Variants in BRK1 observed in about 807,000 individuals in gnomAD.
BRK1 encodes protein BRICK1.
Under a neutral mutation model 9.9 loss-of-function variants are expected in BRK1, and 6 were observed. That is an observed-to-expected ratio of 0.60 (90% confidence interval 0.33 to 1.19). The LOEUF is 1.19. BRK1 is among the 50% of genes most tolerant of loss of function. The probability of loss-of-function intolerance (pLI) is 0.04; values close to 1 mark genes in which losing one functional copy is unlikely to be tolerated. For missense variants in BRK1, 62 were observed against 97.5 expected, an observed-to-expected ratio of 0.64 and a Z score of 1.53; for synonymous variants, 44 against 31.9, an observed-to-expected ratio of 1.38 and a Z score of -1.28.
rs41464050 is a variant in BRK1 at position 10,116,709 on chromosome 3, A to G, written c.118+890A>G. 0.16 allele frequency among the ~76,000 whole-genome samples: 24,869 copies of G among 152,150 alleles called. 2,574 individuals carry two copies. The highest frequency in any genetic ancestry group is 0.29 in the African/African-American group (12,065 of 41,456). On this transcript the variant is annotated intron_variant, in intron 1 of 2. Coordinates refer to ENST00000530758, the MANE Select transcript of BRK1 (RefSeq NM_018462.5). ...AGATTTTTAAATGAATGATTCTCTA[A>G]CTAAAGGACTGATGGCCTTAGGAGT... is the stretch of plus-strand genomic sequence containing the variant.
chr3:10,115,928 G>A (rs1468604768), intron 1 of BRK1, 109 bp downstream of exon 1: 23 of 838,194 alleles, frequency 2.7e-5, no homozygotes, highest in Non-Finnish European at 4.4e-5. Context: ...CGGCTGTTGC[G>A]GGTTTTCACT....
chr3:10,123,851 T>G (rs1193660759), intron 1 of BRK1, among the ~76,000 whole-genome samples: 1 of 144,834 alleles, frequency 6.9e-6, no homozygotes, highest in African/African-American at 2.5e-5. Flanking sequence ...TTCTCCTGCC[T>G]CAGCCTCCCG....
intron 1 of BRK1, among the ~76,000 whole-genome samples, chr3:10,116,069 CCTT>C (rs1376082395): frequency 1.3e-5 from 2 of 152,164 alleles, no homozygotes; most frequent in African/African-American, 2.4e-5. Flanking sequence ...TTCTACAAGT[CCTT>C]CTCCTAGACG....
chr3:10,118,395 G>A (rs1695714628), intron 1 of BRK1, among the ~76,000 whole-genome samples: 1 of 152,108 alleles, frequency 6.6e-6, no homozygotes, highest in Admixed American at 6.6e-5. Flanking sequence ...GGATGACTAT[G>A]TATGGGATGT....
chr3:10,125,889 G>A (rs1029550444), intron 2 of BRK1, among the ~76,000 whole-genome samples, 181 bp downstream of exon 2: 8 of 152,086 alleles, frequency 5.3e-5, no homozygotes, highest in Admixed American at 2.0e-4. Context: ...TCAGGAGTTC[G>A]AGTCCAGCCT....
At chr3:10,125,524 T>A (rs1484042637) in intron 1 of BRK1, 102 bp from the exon 2 acceptor site, 1 of 703,302 alleles carries the variant, frequency 1.4e-6, no homozygotes, top group Non-Finnish European at 2.5e-6. Flanking sequence ...CATTTCCATT[T>A]GTATTCTGTG....
chr3:10,118,081 C>T (rs1032382691), intron 1 of BRK1, among the ~76,000 whole-genome samples: 6 of 151,984 alleles, frequency 3.9e-5, no homozygotes, highest in Admixed American at 3.9e-4. Flanking sequence ...TGGTGAAACC[C>T]TGTCTCTACT....
At chr3:10,121,882 CT>C (rs911888155) in intron 1 of BRK1, among the ~76,000 whole-genome samples, 1,366 of 88,156 alleles carry the variant, frequency 0.015, 6 homozygotes, top group African/African-American at 0.053. Flanking sequence ...CACCCGGCCA[CT>C]TTTTTTTTTT....
rs1237973470 is a variant in BRK1 at position 10,126,341 on chromosome 3, C to A, written c.*46C>A. On this transcript the variant is annotated 3_prime_UTR_variant, in exon 3 of 3. Coordinates refer to ENST00000530758, the MANE Select transcript of BRK1 (RefSeq NM_018462.5). ...GGGAAGTTGCTTTACACAACACAGG[C>A]CACATGGGAAAGGCCCCAGCAGCCT... 2.6e-6 allele frequency: 4 copies of A among 1,546,954 alleles called. No homozygotes were observed. Among genetic ancestry groups the A allele is most frequent in the Non-Finnish European group, 3.5e-6 (4 of 1,140,128 alleles).
chr3:10,118,033 A>G (rs1695709487), intron 1 of BRK1, among the ~76,000 whole-genome samples: 1 of 152,148 alleles, frequency 6.6e-6, no homozygotes, highest in Non-Finnish European at 1.5e-5. Flanking sequence ...AGGCGAGCAG[A>G]TCACCTGAGG....
intron 1 of BRK1, among the ~76,000 whole-genome samples, chr3:10,121,295 G>T (rs771851482): frequency 9.2e-5 from 14 of 152,162 alleles, no homozygotes; most frequent in Non-Finnish European, 2.1e-4. Context: ...AAAAACCACT[G>T]AATTGTATAC....
At chr3:10,123,063 A>G (rs1297046257) in intron 1 of BRK1, among the ~76,000 whole-genome samples, 2 of 152,246 alleles carry the variant, frequency 1.3e-5, no homozygotes, top group African/African-American at 2.4e-5. Context: ...CTGAACAACA[A>G]TGTTGGAGGA....
chr3:10,123,505 G>A (rs1382101526), intron 1 of BRK1, among the ~76,000 whole-genome samples: 24 of 145,144 alleles, frequency 1.7e-4, no homozygotes, highest in Admixed American at 2.8e-4. Context: ...GTGCAATCTC[G>A]GCTCACTGCT....
At chr3:10,117,656 C>G (rs750225543) in intron 1 of BRK1, among the ~76,000 whole-genome samples, 4 of 152,028 alleles carry the variant, frequency 2.6e-5, no homozygotes, top group Non-Finnish European at 5.9e-5. Context: ...TTCGGCCTCC[C>G]AAAGTGCTGG....
intron 1 of BRK1, among the ~76,000 whole-genome samples, chr3:10,117,017 A>T (rs1311237446): frequency 6.6e-6 from 1 of 152,116 alleles, no homozygotes; most frequent in Non-Finnish European, 1.5e-5. Context: ...CCAAGGTGGG[A>T]GGATTGCTTG....
At chr3:10,125,407 A>T (rs781567162) in intron 1 of BRK1, among the ~76,000 whole-genome samples, 3 of 152,048 alleles carry the variant, frequency 2.0e-5, no homozygotes, top group Non-Finnish European at 4.4e-5. Context: ...GCCCTGCAGG[A>T]AAGGACGTTT....
intron 1 of BRK1, among the ~76,000 whole-genome samples, chr3:10,123,438 C>CT (rs869148224): frequency 0.015 from 2,098 of 135,928 alleles, 62 homozygotes; most frequent in African/African-American, 0.05. Flanking sequence ...ACTTTCTTTC[C>CT]TTTTTTTTTT....
chr3:10,115,851 A>G (rs564385275), intron 1 of BRK1, 32 bp downstream of exon 1: 35 of 1,566,960 alleles, frequency 2.2e-5, no homozygotes, highest in Non-Finnish European at 2.9e-5. Flanking sequence ...GGCGGGGAGG[A>G]GGGAGGCCGC....
intron 1 of BRK1, among the ~76,000 whole-genome samples, chr3:10,118,287 A>G (rs1001295153): frequency 1.7e-4 from 26 of 151,900 alleles, no homozygotes; most frequent in African/African-American, 6.0e-4. Flanking sequence ...CACTATCACA[A>G]TGCAAGAGTT....
Sources: gnomAD v4.1 joint callset for allele counts (sites outside exome capture counted in the v4.1 genomes callset) on GRCh38, gnomAD v4.1.1 for gene constraint, MANE v1.5 for transcripts, NCBI Gene and HGNC (gene_info 2026-07-23, HGNC 2026-07-21) for gene names.